Variants in COPS8 observed in about 807,000 individuals in gnomAD.
COPS8 encodes COP9 signalosome complex subunit 8.
A neutral mutation model predicts 31.5 loss-of-function variants in COPS8; 11 were observed. That is an observed-to-expected ratio of 0.35 (90% CI 0.22 to 0.58). The LOEUF (loss-of-function observed/expected upper bound fraction) is 0.58. Ranked by LOEUF, COPS8 falls within the 20% of genes least tolerant of loss-of-function variation. The pLI is 0.83. For missense variants in COPS8, 215 were observed against 255.1 expected, an observed-to-expected ratio of 0.84 and a Z score of 1.07; for synonymous variants, 81 against 89.3, an observed-to-expected ratio of 0.91 and a Z score of 0.52.
intron 4 of COPS8, among the ~76,000 whole-genome samples, chr2:237,090,880 A>C (rs189556751): frequency 6.6e-6 from 1 of 152,362 alleles, no homozygotes; most frequent in East Asian, 1.9e-4. Flanking sequence ...AGGCAGGCAG[A>C]TAGATGGGAA....
rs1169017377 is a variant in COPS8 at position 237,099,512 on chromosome 2, TA to T, written c.*1771del. The T allele has an allele frequency of 3.6e-3, 550 of 152,084 alleles. 5 individuals are homozygous for T. Among genetic ancestry groups the T allele is most frequent in the African/African-American group, 0.013 (518 of 41,430 alleles). 9.4% of individuals were successfully genotyped at this position (152,084 alleles called of 1,614,324 possible). A position where few individuals can be genotyped will look rare whatever the true frequency, so the allele number is the denominator to read the frequency against. ...CATGATTAATTTCACAAAATCTTGA[TA>T]TCTTTTTTATTATTAAAAGTATAGA... On this transcript the variant is annotated 3_prime_UTR_variant, in exon 8 of 8. Transcript: ENST00000354371.
intron 4 of COPS8, among the ~76,000 whole-genome samples, chr2:237,090,862 G>A (rs974614823): frequency 1.3e-4 from 20 of 152,232 alleles, no homozygotes; most frequent in Admixed American, 3.9e-4. Context: ...GAAATGAGCA[G>A]AGTCCTAAGG....
At chr2:237,089,609 G>A (rs2106344661) in intron 3 of COPS8, among the ~76,000 whole-genome samples, 1 of 152,174 alleles carries the variant, frequency 6.6e-6, no homozygotes. Flanking sequence ...ACTTTCTCAT[G>A]CCTTAATTTG....
chr2:237,087,925 C>A (rs1255662161), intron 2 of COPS8, among the ~76,000 whole-genome samples: 2 of 150,500 alleles, frequency 1.3e-5, no homozygotes, highest in Non-Finnish European at 2.9e-5. Context: ...CAAAGTGAGA[C>A]CCTGTCTCAA....
In COPS8 at chr2:237,087,223, G is replaced by A. The variant is rs773312168; in HGVS notation, c.149+26G>A. ...GTAAGTATGTTTAACCTAAAGCTAA[G>A]AGCAACAGGTTTCTCAAAGTTATAT... On this transcript the variant is annotated intron_variant, in intron 2 of 7. Coordinates refer to ENST00000354371, the MANE Select transcript of COPS8 (RefSeq NM_006710.5). The A allele has an allele frequency of 6.5e-6, 10 of 1,530,976 alleles. No individual in the cohort carries two copies. The Admixed American group carries it at 9.7e-5, about 15-fold the overall frequency. 94.8% of individuals were successfully genotyped at this position (1,530,976 alleles called of 1,614,324 possible).
At chr2:237,087,248 T>G in intron 2 of COPS8, 51 bp downstream of exon 2, 2 of 1,371,088 alleles carry the variant, frequency 1.5e-6, no homozygotes, top group Non-Finnish European at 2.0e-6. Flanking sequence ...CAAAGTTATA[T>G]GGAAATATTT....
At chr2:237,091,096 T>C (rs1256035844) in intron 4 of COPS8, among the ~76,000 whole-genome samples, 1 of 152,224 alleles carries the variant, frequency 6.6e-6, no homozygotes, top group African/African-American at 2.4e-5. Flanking sequence ...TTGGCAGGAC[T>C]GGGCTTGGGA....
chr2:237,089,279 AG>A (rs1324106570), intron 3 of COPS8, among the ~76,000 whole-genome samples: 1 of 152,160 alleles, frequency 6.6e-6, no homozygotes, highest in Non-Finnish European at 1.5e-5. Context: ...AGATCGGATT[AG>A]TATTTTTACT....
intron 4 of COPS8, 170 bp from the exon 5 acceptor site, chr2:237,093,919 AC>A: frequency 1.6e-6 from 2 of 1,245,772 alleles, no homozygotes; most frequent in Non-Finnish European, 2.0e-6. Context: ...CAATATTTGA[AC>A]CCCCCGTACA....
chr2:237,085,973 G>A lies in COPS8; in HGVS notation c.9G>A (p.Val3=). The A allele has an allele frequency of 6.2e-7, 1 of 1,611,164 alleles. No homozygotes were observed. Among genetic ancestry groups the A allele is most frequent in the Non-Finnish European group, 8.5e-7 (1 of 1,178,150 alleles). ...CGAGGCCGGCCGCGAAGATGCCAGT[G>A]GCGGTGATGGCGGAAAGCGCCTTTA... MP[V]AVMAESAFSF... Residue 3 remains valine, a synonymous_variant, in exon 1 of 8, where the codon GTG becomes GTA. Transcript: ENST00000354371.
chr2:237,093,922 C>T, intron 4 of COPS8, 168 bp from the exon 5 acceptor site: 1 of 1,319,090 alleles, frequency 7.6e-7, no homozygotes, highest in Non-Finnish European at 9.7e-7. Context: ...TATTTGAACC[C>T]CCCGTACATA....
In COPS8 at chr2:237,098,031, C is replaced by A. The variant is rs528406879; in HGVS notation, c.*289C>A. The stretch of plus-strand genomic sequence containing the variant: ...ACTCATAAAATAAGATTTCCTGTTT[C>A]ATGTAGAATAGTGTTTGTCAACTGT... On this transcript the variant is annotated 3_prime_UTR_variant, in exon 8 of 8. Transcript: ENST00000354371. 1.1e-4 allele frequency: 31 copies of A among 276,704 alleles called. No homozygotes were observed. In the South Asian group the frequency reaches 1.4e-3, roughly 12 times the overall value. 17.1% of individuals were successfully genotyped at this position (276,704 alleles called of 1,614,324 possible).
In COPS8 at chr2:237,095,838, A is replaced by G. The variant is rs1696789911; in HGVS notation, c.456A>G (p.Gly152=). ...CTTTTTTAGGCATATTAGAACAAGG[A>G]TGGCAAGCTGATTCCACCACAAGAA... is the stretch of plus-strand genomic sequence containing the variant. ...EEAVKGILEQ[G]WQADSTTRMV... Residue 152 remains glycine (G), a synonymous_variant, in exon 6 of 8, where the codon GGA becomes GGG. Coordinates refer to ENST00000354371, the MANE Select transcript of COPS8 (RefSeq NM_006710.5). 2 of 1,612,922 alleles carry G rather than the reference A, an allele frequency of 1.2e-6. No individual in the cohort carries two copies. Among genetic ancestry groups the G allele is most frequent in the African/African-American group, 2.7e-5 (2 of 75,020 alleles).
At chr2:237,088,031 A>C (rs146332710) in intron 2 of COPS8, among the ~76,000 whole-genome samples, 3 of 151,092 alleles carry the variant, frequency 2.0e-5, no homozygotes, top group Admixed American at 2.0e-4. Context: ...AAACTCTTCC[A>C]AAACCTTTCT....
At chr2:237,093,632 C>G in intron 4 of COPS8, 1 of 930,282 alleles carries the variant, frequency 1.1e-6, no homozygotes. Context: ...GAAGAATGCT[C>G]CAGTTACAAG....
At chr2:237,086,134 C>T (rs1014006971) in intron 1 of COPS8, 92 bp downstream of exon 1, 1 of 1,261,038 alleles carries the variant, frequency 7.9e-7, no homozygotes, top group South Asian at 1.3e-5. Flanking sequence ...CTGAGGCTAG[C>T]GGGCTTTGGG....
At position 237,100,450 on chromosome 2, in the gene COPS8, A is replaced by C. The variant is rs1384354693; in HGVS notation, c.*2708A>C. The C allele has an allele frequency of 6.6e-6, 1 of 152,168 alleles. No homozygotes were observed. 9.4% of individuals were successfully genotyped at this position (152,168 alleles called of 1,614,324 possible). A position where few individuals can be genotyped will look rare whatever the true frequency, so the allele number is the denominator to read the frequency against. ...GTTGTGAACATGACATGGTGAATAA[A>C]CACTCTCTTCCTTGTCTCAGGGCAG... On this transcript the variant is annotated 3_prime_UTR_variant, in exon 8 of 8. Transcript: ENST00000354371.
chr2:237,097,884 A>C lies in COPS8; in HGVS notation c.*142A>C. On this transcript the variant is annotated 3_prime_UTR_variant, in exon 8 of 8. Transcript: ENST00000354371. ...ATGTGATAAAATACATATAGAATAT[A>C]AGATATACTATATACATTTTGTCCA... The C allele has an allele frequency of 3.4e-6, 2 of 585,610 alleles. No individual in the cohort carries two copies. Among genetic ancestry groups the C allele is most frequent in the Non-Finnish European group, 6.0e-6 (2 of 331,058 alleles). 36.3% of individuals were successfully genotyped at this position (585,610 alleles called of 1,614,324 possible).
At chr2:237,091,818 G>A (rs1696710151) in intron 4 of COPS8, among the ~76,000 whole-genome samples, 1 of 152,226 alleles carries the variant, frequency 6.6e-6, no homozygotes, top group East Asian at 1.9e-4. Flanking sequence ...TGCCCCACAG[G>A]ATGGATACAG....
Sources: allele counts gnomAD v4.1 joint callset (sites outside exome capture counted in the v4.1 genomes callset), GRCh38; gene constraint gnomAD v4.1.1; transcripts MANE v1.5; gene names NCBI Gene and HGNC (gene_info 2026-07-23, HGNC 2026-07-21).